Variants in DIAPH2 observed in about 807,000 individuals in gnomAD.
DIAPH2 encodes protein diaphanous homolog 2.
In DIAPH2, 35 loss-of-function variants were observed where a neutral mutation model predicts 92.7. The observed-to-expected ratio is 0.38, with a 90% CI of 0.29 to 0.50. The LOEUF (loss-of-function observed/expected upper bound fraction) is 0.50, where lower values mean the gene tolerates loss of function less well. Among genes scored for constraint, DIAPH2 ranks in the 20% least tolerant of loss-of-function variants. The pLI is 0.94. For synonymous variants in DIAPH2, 301 were observed against 280.4 expected (o/e 1.07, Z -0.73); for missense variants, 701 against 819.5 (o/e 0.86, Z 1.77).
intron 4 of DIAPH2, among the ~76,000 whole-genome samples, chrX:96,874,354 G>A (rs1420732223): frequency 9.0e-6 from 1 of 111,536 alleles, no homozygotes; most frequent in Non-Finnish European, 1.9e-5. Flanking sequence ...GATAATGATG[G>A]GGGCTCATAG....
At chrX:97,593,889 T>C (rs2071533822) in intron 26 of DIAPH2, among the ~76,000 whole-genome samples, 1 of 111,674 alleles carries the variant, frequency 9.0e-6, no homozygotes, top group Non-Finnish European at 1.9e-5. Context: ...GCAAAAAGAA[T>C]GAATCAGATG....
At chrX:97,305,151 A>G (rs944501522) in intron 23 of DIAPH2, among the ~76,000 whole-genome samples, 4 of 112,334 alleles carry the variant, frequency 3.6e-5, no homozygotes, top group Non-Finnish European at 7.5e-5. Context: ...TAACTGCCAT[A>G]GCCAAGAGTA....
At chrX:97,205,055 CA>C (rs200774250) in intron 22 of DIAPH2, among the ~76,000 whole-genome samples, 3 of 108,168 alleles carry the variant, frequency 2.8e-5, no homozygotes, top group African/African-American at 6.7e-5. Flanking sequence ...ACAAAACTGA[CA>C]AAAAAAAAGC....
intron 23 of DIAPH2, among the ~76,000 whole-genome samples, chrX:97,334,998 C>CAAAA (rs746536131): frequency 7.3e-4 from 23 of 31,451 alleles, no homozygotes; most frequent in Admixed American, 7.3e-3. Context: ...AAAAACAAAA[C>CAAAA]AAAAAAAAAA....
intron 17 of DIAPH2, among the ~76,000 whole-genome samples, chrX:97,011,799 C>T (rs1046841316): frequency 1.8e-4 from 18 of 100,270 alleles, no homozygotes; most frequent in Non-Finnish European, 2.4e-4. Flanking sequence ...GGCTGAGGCA[C>T]GAGAATCGCT....
intron 4 of DIAPH2, among the ~76,000 whole-genome samples, chrX:96,794,228 C>G (rs2064522171): frequency 9.0e-6 from 1 of 111,082 alleles, no homozygotes. Flanking sequence ...AAATAGTTGC[C>G]TCCCCAACGG....
rs745936591 is a variant in DIAPH2 at position 96,968,066 on chromosome X, T to G, written c.2050+2859T>G. ...ACAGCCTTGCCAGCATCTGTTTGGG[T>G]TTTTTTTTTGGCTTTTTAGTAATAG... On this transcript the variant is annotated intron_variant, in intron 17 of 26. Transcript: ENST00000324765. Among the ~76,000 whole-genome samples, 198 of 100,476 alleles carry G rather than the reference T, an allele frequency of 2.0e-3. 1 individual carries two copies. Among genetic ancestry groups the G allele is most frequent in the African/African-American group, 7.9e-3 (195 of 24,582 alleles). 87.3% of individuals were successfully genotyped at this position (100,476 alleles called of 115,157 possible).
At chrX:97,055,075 C>T (rs1023401422) in intron 17 of DIAPH2, among the ~76,000 whole-genome samples, 2 of 102,713 alleles carry the variant, frequency 1.9e-5, no homozygotes, top group African/African-American at 6.9e-5. Flanking sequence ...GTCACCCAGG[C>T]CGCCATACCT....
intron 24 of DIAPH2, among the ~76,000 whole-genome samples, chrX:97,370,613 C>T (rs930546665): frequency 7.2e-5 from 8 of 111,113 alleles, no homozygotes; most frequent in Non-Finnish European, 1.5e-4. Context: ...TTTTGGGAAC[C>T]CTTATTTTGG....
At chrX:97,128,016 C>T (rs1431710915) in intron 21 of DIAPH2, among the ~76,000 whole-genome samples, 1 of 110,897 alleles carries the variant, frequency 9.0e-6, no homozygotes, top group East Asian at 2.8e-4. Flanking sequence ...AGAAAGGGGT[C>T]CTGATCCAGA....
chrX:96,995,725 C>T (rs1176596757), intron 17 of DIAPH2, among the ~76,000 whole-genome samples: 1 of 110,272 alleles, frequency 9.1e-6, no homozygotes, highest in East Asian at 2.8e-4. Flanking sequence ...GCAGTTAATA[C>T]CTGAAGAGTA....
At chrX:97,487,350 C>T in intron 26 of DIAPH2, among the ~76,000 whole-genome samples, 1 of 111,447 alleles carries the variant, frequency 9.0e-6, no homozygotes. Flanking sequence ...TCTCGGTTCA[C>T]TGTAACCTCC....
chrX:96,903,046 C>T (rs1034577804), intron 5 of DIAPH2, among the ~76,000 whole-genome samples: 1 of 110,159 alleles, frequency 9.1e-6, no homozygotes, highest in Non-Finnish European at 1.9e-5. Flanking sequence ...TGGCACTGCA[C>T]CTGGTAGGTG....
At chrX:97,118,814 G>C (rs2067033917) in intron 21 of DIAPH2, among the ~76,000 whole-genome samples, 1 of 112,102 alleles carries the variant, frequency 8.9e-6, no homozygotes, top group South Asian at 3.7e-4. Context: ...CTTTACAAAA[G>C]GGGAGAACAT....
intron 4 of DIAPH2, among the ~76,000 whole-genome samples, chrX:96,803,711 G>C (rs989019470): frequency 3.1e-4 from 35 of 111,915 alleles, no homozygotes; most frequent in Admixed American, 4.7e-4. Flanking sequence ...ACTTGTTTTG[G>C]CATTTGATAC....
chrX:96,874,409 T>TA (rs1207077606), intron 4 of DIAPH2, among the ~76,000 whole-genome samples: 1 of 112,158 alleles, frequency 8.9e-6, no homozygotes, highest in Non-Finnish European at 1.9e-5. Flanking sequence ...ATTTACTTGC[T>TA]ATTACTCACC....
At chrX:97,352,786 T>C (rs1004871294) in intron 24 of DIAPH2, among the ~76,000 whole-genome samples, 5 of 99,158 alleles carry the variant, frequency 5.0e-5, no homozygotes, top group African/African-American at 1.9e-4. Context: ...AGGAGAATGG[T>C]GTGAACCCAG....
At chrX:97,507,175 T>C (rs775772829) in intron 26 of DIAPH2, among the ~76,000 whole-genome samples, 70 of 83,046 alleles carry the variant, frequency 8.4e-4, no homozygotes, top group Admixed American at 3.0e-3. Flanking sequence ...AATCCCTACC[T>C]TCAGAGAGCA....
chrX:96,963,007 T>C, intron 16 of DIAPH2, among the ~76,000 whole-genome samples: 1 of 112,013 alleles, frequency 8.9e-6, no homozygotes, highest in Middle Eastern at 4.6e-3. Context: ...TAAGCATTTC[T>C]TGTAGGGCTT....
Sources: allele counts gnomAD v4.1 joint callset (sites outside exome capture counted in the v4.1 genomes callset), GRCh38; gene constraint gnomAD v4.1.1; transcripts MANE v1.5; gene names NCBI Gene and HGNC (gene_info 2026-07-23, HGNC 2026-07-21).